Variants in FRAS1 observed in about 807,000 individuals in gnomAD.
FRAS1 encodes Fraser extracellular matrix complex subunit 1.
A neutral mutation model predicts 435.2 loss-of-function variants in FRAS1; 290 were observed. The ratio of observed to expected loss-of-function variants is 0.67; its 90% CI spans 0.61 to 0.73. FRAS1 has a LOEUF of 0.73. FRAS1 is among the 30% of genes least tolerant of loss of function. The pLI, the probability that FRAS1 is intolerant of heterozygous loss-of-function variation, is 0.00. For missense variants in FRAS1, 4,860 were observed against 5,001.5 expected (o/e 0.97, Z 0.85); for synonymous variants, 1,800 against 1,851.0 (o/e 0.97, Z 0.71).
At chr4:78,377,246 A>G (rs779271689) in intron 26 of FRAS1, among the ~76,000 whole-genome samples, 4 of 152,124 alleles carry the variant, frequency 2.6e-5, no homozygotes, top group Admixed American at 1.3e-4. Flanking sequence ...TTCTGTCTCT[A>G]TATTTCTGGC....
At chr4:78,406,056 A>T (rs538050422) in intron 30 of FRAS1, among the ~76,000 whole-genome samples, 2 of 152,346 alleles carry the variant, frequency 1.3e-5, no homozygotes, top group Admixed American at 1.3e-4. Context: ...CCTCAGTTCC[A>T]ATAAAGTTTA....
intron 20 of FRAS1, among the ~76,000 whole-genome samples, chr4:78,358,421 G>A (rs1189831507): frequency 6.6e-6 from 1 of 152,128 alleles, no homozygotes; most frequent in East Asian, 1.9e-4. Context: ...TATCAATTAA[G>A]AATTTTACAT....
At chr4:78,489,979 A>AAAAAAG (rs1553891086) in intron 59 of FRAS1, among the ~76,000 whole-genome samples, 132 of 150,752 alleles carry the variant, frequency 8.8e-4, no homozygotes, top group Middle Eastern at 3.4e-3. Flanking sequence ...AAAAAAAAAA[A>AAAAAAG]AAAAAAAAGA....
At chr4:78,307,919 G>T in intron 14 of FRAS1, 147 bp from the exon 15 acceptor site, 3 of 716,718 alleles carry the variant, frequency 4.2e-6, no homozygotes, top group Non-Finnish European at 6.6e-6. Flanking sequence ...TGTTGTGTTT[G>T]TCCTGAGGTG....
At position 78,204,554 on chromosome 4, in the gene FRAS1, A is replaced by G. The variant is rs1023261906; in HGVS notation, c.109-32956A>G. On this transcript the variant is annotated intron_variant, in intron 2 of 73. Transcript: ENST00000512123. ...TAATTATCAAAGAGATTTAAGGGCT[A>G]TTTGGTTCATTTTCAAGAACCAATG... Among the ~76,000 whole-genome samples the G allele has an allele frequency of 6.6e-5, 10 of 152,326 alleles. No individual in the cohort carries two copies. The South Asian group carries it at 2.1e-3, about 32-fold the overall frequency.
At chr4:78,267,859 A>C (rs927318105) in intron 9 of FRAS1, among the ~76,000 whole-genome samples, 3 of 152,244 alleles carry the variant, frequency 2.0e-5, no homozygotes, top group Admixed American at 6.5e-5. Context: ...AACGAGAGCC[A>C]GCACAGAGGG....
At chr4:78,176,605 A>T (rs945896793) in intron 2 of FRAS1, among the ~76,000 whole-genome samples, 3 of 152,186 alleles carry the variant, frequency 2.0e-5, no homozygotes, top group Non-Finnish European at 4.4e-5. Flanking sequence ...TGTCCTCATA[A>T]GTACAATTTA....
intron 2 of FRAS1, among the ~76,000 whole-genome samples, chr4:78,192,857 G>A (rs539560778): frequency 8.2e-4 from 125 of 152,236 alleles, no homozygotes; most frequent in African/African-American, 3.0e-3. Flanking sequence ...TCTTTGAATT[G>A]CAATGTTAGG....
chr4:78,116,731 C>T (rs6857527), intron 2 of FRAS1, among the ~76,000 whole-genome samples: 33,000 of 152,052 alleles, frequency 0.22, 3,941 homozygotes, highest in Admixed American at 0.29. Context: ...TGTCTCTGCA[C>T]GTGAGATGGG....
intron 2 of FRAS1, among the ~76,000 whole-genome samples, chr4:78,117,255 G>C (rs1057478034): frequency 1.3e-5 from 2 of 152,174 alleles, no homozygotes; most frequent in African/African-American, 4.8e-5. Context: ...CTCTCTGGCT[G>C]CCCTTAACAT....
chr4:78,087,893 A>G (rs1741279546), intron 2 of FRAS1, among the ~76,000 whole-genome samples: 1 of 152,184 alleles, frequency 6.6e-6, no homozygotes, highest in South Asian at 2.1e-4. Flanking sequence ...TCAAACTACC[A>G]ATGACTTTCT....
intron 45 of FRAS1, 122 bp from the exon 46 acceptor site, chr4:78,451,650 C>T: frequency 1.5e-6 from 1 of 672,098 alleles, no homozygotes; most frequent in Non-Finnish European, 2.3e-6. Flanking sequence ...AAAGCAGTGT[C>T]AAAGCGAGGA....
At chr4:78,060,904 T>C (rs996189080) in intron 1 of FRAS1, among the ~76,000 whole-genome samples, 11 of 152,198 alleles carry the variant, frequency 7.2e-5, no homozygotes, top group Admixed American at 3.3e-4. Context: ...TAGAGTGCAG[T>C]GGTGCAATCT....
intron 2 of FRAS1, among the ~76,000 whole-genome samples, chr4:78,125,678 A>G (rs1353865631): frequency 6.6e-6 from 1 of 152,272 alleles, no homozygotes; most frequent in East Asian, 1.9e-4. Context: ...TCCACTCCAG[A>G]TGCTGTTTTC....
intron 58 of FRAS1, among the ~76,000 whole-genome samples, chr4:78,484,283 C>T (rs968706623): frequency 6.6e-6 from 1 of 152,128 alleles, no homozygotes; most frequent in Non-Finnish European, 1.5e-5. Context: ...CATTTGTTTA[C>T]TCACCTATTG....
At chr4:78,223,888 G>A (rs1724160359) in intron 2 of FRAS1, among the ~76,000 whole-genome samples, 1 of 152,054 alleles carries the variant, frequency 6.6e-6, no homozygotes. Flanking sequence ...CTTCCTATTT[G>A]CCAAAATGAA....
intron 2 of FRAS1, among the ~76,000 whole-genome samples, chr4:78,085,526 G>T (rs1198602634): frequency 6.6e-6 from 1 of 152,090 alleles, no homozygotes; most frequent in Non-Finnish European, 1.5e-5. Flanking sequence ...CAGCAGTTTT[G>T]AATATCTGGA....
chr4:78,440,040 T>C (rs1410992622), intron 40 of FRAS1, among the ~76,000 whole-genome samples: 2 of 147,042 alleles, frequency 1.4e-5, no homozygotes, highest in East Asian at 1.9e-4. Flanking sequence ...TTTTTTTTTT[T>C]TGAGACGGAG....
chr4:78,202,313 C>T (rs1723079649), intron 2 of FRAS1, among the ~76,000 whole-genome samples: 1 of 152,210 alleles, frequency 6.6e-6, no homozygotes, highest in African/African-American at 2.4e-5. Context: ...TCATTAAGCC[C>T]ACTCTCTGGA....
Sources: allele counts gnomAD v4.1 joint callset (sites outside exome capture counted in the v4.1 genomes callset), GRCh38; gene constraint gnomAD v4.1.1; transcripts MANE v1.5; gene names NCBI Gene and HGNC (gene_info 2026-07-23, HGNC 2026-07-21).